The following TRAPPC9 variants were observed in gnomAD, a reference collection of about 807,000 sequenced individuals.
The protein encoded by TRAPPC9 is trafficking protein particle complex subunit 9, also known as IKK2 binding protein.
A neutral mutation model predicts 124.0 loss-of-function variants in TRAPPC9; 83 were observed. The ratio of observed to expected loss-of-function variants is 0.67; its 90% CI spans 0.56 to 0.80. The LOEUF (loss-of-function observed/expected upper bound fraction) is 0.80, where lower values mean the gene tolerates loss of function less well. Ranked by LOEUF, TRAPPC9 falls within the 30% of genes least tolerant of loss-of-function variation. The pLI is 0.00. For missense variants in TRAPPC9, 1,302 were observed against 1,508.3 expected (o/e 0.86, Z 2.27); for synonymous variants, 638 against 617.5 (o/e 1.03, Z -0.49).
At chr8:139,783,801 C>G (rs955272094) in intron 21 of TRAPPC9, among the ~76,000 whole-genome samples, 34 of 152,202 alleles carry the variant, frequency 2.2e-4, no homozygotes, top group African/African-American at 8.0e-4. Context: ...TCATTACCAA[C>G]TGAAGATCAT....
chr8:140,033,673 T>TTG (rs1840670489), intron 17 of TRAPPC9, among the ~76,000 whole-genome samples: 2 of 76,732 alleles, frequency 2.6e-5, no homozygotes, highest in South Asian at 5.5e-4. Context: ...TTTTTTTTTT[T>TTG]TTTTTTTTTT....
At chr8:139,835,157 G>C (rs973038113) in intron 21 of TRAPPC9, among the ~76,000 whole-genome samples, 3 of 152,220 alleles carry the variant, frequency 2.0e-5, no homozygotes, top group Admixed American at 6.5e-5. Context: ...CCTTGGACTA[G>C]AGCACTGGTT....
chr8:140,395,331 C>T lies in TRAPPC9; in HGVS notation c.1134+2289G>A, dbSNP rs141886796. 4.7e-3 allele frequency among the ~76,000 whole-genome samples: 714 copies of T among 152,256 alleles called. 11 individuals are homozygous for T. The highest frequency in any genetic ancestry group is 0.017 in the African/African-American group (694 of 41,534). ...TTTGACTTATCGGCCTCCCTACCAACGTCTAATCTAGGAAATTAGCCAAGA... is the reference window on the plus strand; with the variant it reads ...TTTGACTTATCGGCCTCCCTACCAATGTCTAATCTAGGAAATTAGCCAAGA... On this transcript the variant is annotated intron_variant, in intron 7 of 22. Transcript: ENST00000438773.
chr8:140,037,033 C>T (rs1239768774), intron 17 of TRAPPC9, among the ~76,000 whole-genome samples: 14 of 151,928 alleles, frequency 9.2e-5, no homozygotes, highest in Non-Finnish European at 1.6e-4. Flanking sequence ...GTGTGACCGT[C>T]ACATTATTTT....
At chr8:140,039,474 C>A (rs1490083475) in intron 17 of TRAPPC9, among the ~76,000 whole-genome samples, 1 of 152,194 alleles carries the variant, frequency 6.6e-6, no homozygotes, top group African/African-American at 2.4e-5. Context: ...ATAATTATTA[C>A]CCACTTTTTA....
At chr8:139,996,116 T>G in intron 18 of TRAPPC9, among the ~76,000 whole-genome samples, 1 of 61,490 alleles carries the variant, frequency 1.6e-5, no homozygotes, top group East Asian at 5.5e-4. Context: ...ACGGAAAATC[T>G]CAGCGAAAAA....
At chr8:140,050,758 G>A (rs1324054143) in intron 17 of TRAPPC9, among the ~76,000 whole-genome samples, 1 of 152,140 alleles carries the variant, frequency 6.6e-6, no homozygotes, top group Non-Finnish European at 1.5e-5. Flanking sequence ...CCAGCCTGGG[G>A]TCCCACCTGG....
intron 21 of TRAPPC9, among the ~76,000 whole-genome samples, chr8:139,818,654 G>C (rs1439054738): frequency 6.6e-6 from 1 of 152,190 alleles, no homozygotes; most frequent in African/African-American, 2.4e-5. Flanking sequence ...TATTGTGGGG[G>C]TAACCTGACT....
chr8:140,227,167 CGA>C lies in TRAPPC9; in HGVS notation c.2432-5586_2432-5585del, dbSNP rs568456954. ...GAAGGGGGCAGCTGCAGAGGGATGG[CGA>C]GAGATGAGATGGAATAAGATGTCGT... is the stretch of plus-strand genomic sequence containing the variant. On this transcript the variant is annotated intron_variant, in intron 16 of 22. Transcript: ENST00000438773. 1.3e-3 allele frequency among the ~76,000 whole-genome samples: 199 copies of C among 151,834 alleles called. 1 individual carries two copies. Among genetic ancestry groups the C allele is most frequent in the African/African-American group, 4.8e-3 (197 of 41,394 alleles).
At chr8:139,842,280 G>A (rs1826780046) in intron 21 of TRAPPC9, among the ~76,000 whole-genome samples, 1 of 152,144 alleles carries the variant, frequency 6.6e-6, no homozygotes, top group African/African-American at 2.4e-5. Context: ...TCCTCCACCT[G>A]CTTTTTAAAC....
intron 21 of TRAPPC9, among the ~76,000 whole-genome samples, chr8:139,861,695 G>A (rs757724178): frequency 6.6e-6 from 1 of 152,102 alleles, no homozygotes; most frequent in Non-Finnish European, 1.5e-5. Context: ...CTGGAGAGGG[G>A]ATGTGCTCTG....
At chr8:139,986,469 A>G (rs1370696756) in intron 19 of TRAPPC9, among the ~76,000 whole-genome samples, 2 of 152,206 alleles carry the variant, frequency 1.3e-5, no homozygotes, top group African/African-American at 2.4e-5. Flanking sequence ...TTTCTTCTAA[A>G]AAATTTCAAA....
rs1318418096 is a variant in TRAPPC9, at chr8:139,982,607, A to T, written c.2810+6119T>A. Reference sequence around the variant, plus strand: ...TCACAAATCACATCTGGCAAAAGCAAAGTTAACTAATGGTCCTTAATTACA... The same window carrying T: ...TCACAAATCACATCTGGCAAAAGCATAGTTAACTAATGGTCCTTAATTACA... On this transcript the variant is annotated intron_variant, in intron 19 of 22. Coordinates refer to ENST00000438773, the MANE Select transcript of TRAPPC9 (RefSeq NM_001160372.4). 2.0e-5 allele frequency among the ~76,000 whole-genome samples: 3 copies of T among 152,216 alleles called. No homozygotes were observed. In the East Asian group the frequency reaches 5.8e-4, roughly 29 times the overall value.
At chr8:140,345,307 G>A (rs76587192) in intron 9 of TRAPPC9, among the ~76,000 whole-genome samples, 3,517 of 152,276 alleles carry the variant, frequency 0.023, 143 homozygotes, top group African/African-American at 0.08. Context: ...GAAGTAGCCA[G>A]TGCACCTGGC....
chr8:140,398,502 T>A (rs1028279868), intron 6 of TRAPPC9, among the ~76,000 whole-genome samples: 3 of 152,150 alleles, frequency 2.0e-5, no homozygotes, highest in African/African-American at 7.2e-5. Flanking sequence ...CGGATGGAGA[T>A]CTCAGTTCTT....
chr8:139,815,950 G>A (rs1824801413), intron 21 of TRAPPC9, among the ~76,000 whole-genome samples: 2 of 152,234 alleles, frequency 1.3e-5, no homozygotes, highest in African/African-American at 4.8e-5. Context: ...GCGAGGTTAA[G>A]GAACCTGCAT....
intron 19 of TRAPPC9, among the ~76,000 whole-genome samples, chr8:139,929,552 C>G (rs1250158924): frequency 6.6e-6 from 1 of 152,122 alleles, no homozygotes; most frequent in East Asian, 1.9e-4. Context: ...TCCTGTGCTT[C>G]GGGCAGCCTC....
chr8:140,028,078 A>T (rs1213298252), intron 17 of TRAPPC9, among the ~76,000 whole-genome samples: 1 of 152,148 alleles, frequency 6.6e-6, no homozygotes, highest in African/African-American at 2.4e-5. Context: ...TAAAAACAAA[A>T]ACCAGAAATA....
intron 17 of TRAPPC9, among the ~76,000 whole-genome samples, chr8:140,140,394 C>T (rs1442474731): frequency 6.6e-6 from 1 of 152,052 alleles, no homozygotes; most frequent in Non-Finnish European, 1.5e-5. Flanking sequence ...TGTTTTCCTA[C>T]TGGTGTTGTG....
Sources: gnomAD v4.1 joint callset for allele counts (sites outside exome capture counted in the v4.1 genomes callset) on GRCh38, gnomAD v4.1.1 for gene constraint, MANE v1.5 for transcripts, NCBI Gene and HGNC (gene_info 2026-07-23, HGNC 2026-07-21) for gene names.